ADAMTSL1: variants seen among roughly 807,000 people sequenced by gnomAD.
ADAMTSL1 encodes ADAMTS-like protein 1.
In ADAMTSL1, 126 loss-of-function variants were observed where a neutral mutation model predicts 201.8. The observed-to-expected ratio is 0.62, with a 90% CI of 0.54 to 0.72. The LOEUF (loss-of-function observed/expected upper bound fraction) is 0.72. Among genes scored for constraint, ADAMTSL1 ranks in the 30% least tolerant of loss-of-function variants. ADAMTSL1 has a pLI of 0.00. For missense variants in ADAMTSL1, 2,679 were observed against 2,277.8 expected, an observed-to-expected ratio of 1.18 and a Z score of -3.59; for synonymous variants, 1,121 against 903.4, an observed-to-expected ratio of 1.24 and a Z score of -4.32.
chr9:18,647,905 G>A (rs4344171), intron 7 of ADAMTSL1, among the ~76,000 whole-genome samples: 7 of 149,836 alleles, frequency 4.7e-5, no homozygotes, highest in African/African-American at 9.8e-5. Flanking sequence ...TATTAGGTCC[G>A]CTTGGTGCAG....
intron 2 of ADAMTSL1, among the ~76,000 whole-genome samples, chr9:18,294,854 G>A (rs1033261614): frequency 1.3e-5 from 2 of 152,180 alleles, no homozygotes; most frequent in African/African-American, 4.8e-5. Context: ...TAGGTCATAA[G>A]AGTCAGAGGA....
chr9:18,255,578 A>G (rs781570229), intron 2 of ADAMTSL1, among the ~76,000 whole-genome samples: 55 of 152,326 alleles, frequency 3.6e-4, no homozygotes, highest in Non-Finnish European at 6.5e-4. Flanking sequence ...GGCCTTTTAC[A>G]TTACAGGATA....
At chr9:18,282,636 G>A (rs896201320) in intron 2 of ADAMTSL1, among the ~76,000 whole-genome samples, 1 of 152,190 alleles carries the variant, frequency 6.6e-6, no homozygotes, top group Non-Finnish European at 1.5e-5. Flanking sequence ...AGTGGCTCAC[G>A]CCTGTAATCC....
chr9:18,828,311 A>G (rs1824724788), intron 22 of ADAMTSL1, among the ~76,000 whole-genome samples: 1 of 152,124 alleles, frequency 6.6e-6, no homozygotes, highest in African/African-American at 2.4e-5. Flanking sequence ...GGAGGGGCCA[A>G]CAATTGGCCC....
chr9:18,641,819 T>A (rs910663620), intron 7 of ADAMTSL1, among the ~76,000 whole-genome samples: 1 of 151,980 alleles, frequency 6.6e-6, no homozygotes, highest in Non-Finnish European at 1.5e-5. Context: ...TTTCATGACT[T>A]AGCTTTTATA....
intron 2 of ADAMTSL1, among the ~76,000 whole-genome samples, chr9:18,343,067 T>C (rs1235687852): frequency 6.6e-6 from 1 of 151,664 alleles, no homozygotes; most frequent in African/African-American, 2.4e-5. Context: ...AACTCACACC[T>C]GCAGTCTCAG....
Position 18,819,412 on chromosome 9 carries a change from A to C in ADAMTSL1, c.3934+2175A>C, listed in dbSNP as rs911654617. The stretch of plus-strand genomic sequence containing the variant: ...CAGAGATTGCAGTGAGCCGAGATCG[A>C]ACCACTGCACTCCAGCCTGGGCAAT... On this transcript the variant is annotated intron_variant, in intron 21 of 28. Coordinates refer to ENST00000380548, the MANE Select transcript of ADAMTSL1 (RefSeq NM_001040272.6). 2.2e-4 allele frequency among the ~76,000 whole-genome samples: 34 copies of C among 151,204 alleles called. 1 individual carries two copies. Among genetic ancestry groups the C allele is most frequent in the Non-Finnish European group, 5.9e-5 (4 of 67,828 alleles).
In ADAMTSL1 at chr9:18,662,074, G is replaced by A. The variant is rs1351386215; in HGVS notation, c.1085+1G>A. ...GCAACTTGGATCCTTGTCCAGCCAG[G>A]TCAGTCAAATTTGCTAGTTCATTTG... On this transcript the variant is annotated splice_donor_variant, in intron 9 of 28. Transcript: ENST00000380548. LOFTEE classifies it high-confidence loss of function. The A allele has an allele frequency of 1.2e-6, 2 of 1,611,482 alleles. No individual in the cohort carries two copies. Among genetic ancestry groups the A allele is most frequent in the Non-Finnish European group, 8.5e-7 (1 of 1,179,272 alleles).
intron 2 of ADAMTSL1, among the ~76,000 whole-genome samples, chr9:18,319,172 G>A (rs1834524964): frequency 6.6e-6 from 1 of 152,120 alleles, no homozygotes; most frequent in Non-Finnish European, 1.5e-5. Context: ...GAAGGTGCCA[G>A]CCTGGGCAAT....
intron 4 of ADAMTSL1, among the ~76,000 whole-genome samples, chr9:18,588,878 C>CATATATATATAT (rs1314106191): frequency 9.7e-6 from 1 of 103,606 alleles, no homozygotes; most frequent in African/African-American, 3.6e-5. Context: ...CATATATATA[C>CATATATATATAT]ATATACATAT....
Position 18,301,801 on chromosome 9 carries a change from G to A in ADAMTSL1, c.207+137820G>A, listed in dbSNP as rs1008369580. Among the ~76,000 whole-genome samples, 3 of 152,244 alleles carry A rather than the reference G, an allele frequency of 2.0e-5. No homozygotes were observed. The South Asian group carries it at 6.2e-4, about 32-fold the overall frequency. On this transcript the variant is annotated intron_variant, in intron 2 of 29. Transcript: ENST00000680146. ...TATGGGGCAAGGTAGTGACAATGAC[G>A]GAAAGCTATGTGCCAGAGTCTGTTG...
At chr9:18,823,792 C>T (rs140619836) in intron 21 of ADAMTSL1, among the ~76,000 whole-genome samples, 2,861 of 152,272 alleles carry the variant, frequency 0.019, 84 homozygotes, top group African/African-American at 0.066. Flanking sequence ...AGTTCAACGC[C>T]AGCCTGGCCA....
At chr9:18,027,808 G>A (rs1163994334) in intron 1 of ADAMTSL1, among the ~76,000 whole-genome samples, 1 of 151,996 alleles carries the variant, frequency 6.6e-6, no homozygotes, top group African/African-American at 2.4e-5. Context: ...AATGCTGTCA[G>A]GTGGCTACTG....
chr9:18,361,592 G>A (rs1836521675), intron 2 of ADAMTSL1, among the ~76,000 whole-genome samples: 1 of 152,102 alleles, frequency 6.6e-6, no homozygotes, highest in Admixed American at 6.6e-5. Context: ...AGAGTTGTTT[G>A]TGTTACACTC....
At chr9:18,237,524 G>A (rs1830894562) in intron 2 of ADAMTSL1, among the ~76,000 whole-genome samples, 1 of 152,166 alleles carries the variant, frequency 6.6e-6, no homozygotes, top group Admixed American at 6.5e-5. Context: ...AGCACTTAGA[G>A]GATTTCAGAG....
At chr9:18,319,685 T>C (rs1563884266) in intron 2 of ADAMTSL1, among the ~76,000 whole-genome samples, 1 of 152,164 alleles carries the variant, frequency 6.6e-6, no homozygotes, top group South Asian at 2.1e-4. Flanking sequence ...TCCATATCTA[T>C]AGATTTCACA....
intron 2 of ADAMTSL1, among the ~76,000 whole-genome samples, chr9:18,199,213 A>T (rs1829325306): frequency 6.6e-6 from 1 of 152,110 alleles, no homozygotes; most frequent in Admixed American, 6.6e-5. Flanking sequence ...TACATATGTA[A>T]CTAACCTGCA....
intron 14 of ADAMTSL1, among the ~76,000 whole-genome samples, chr9:18,711,865 G>C (rs1832629212): frequency 6.6e-6 from 1 of 151,896 alleles, no homozygotes; most frequent in Non-Finnish European, 1.5e-5. Context: ...GCTTTGAAGA[G>C]AGCAGTGGTT....
chr9:18,234,584 C>T (rs1448744971), intron 2 of ADAMTSL1, among the ~76,000 whole-genome samples: 1 of 152,120 alleles, frequency 6.6e-6, no homozygotes, highest in African/African-American at 2.4e-5. Flanking sequence ...ACCTGAATCC[C>T]AGTTTGCCTG....
Sources: gnomAD v4.1 joint callset for allele counts (sites outside exome capture counted in the v4.1 genomes callset) on GRCh38, gnomAD v4.1.1 for gene constraint, MANE v1.5 for transcripts, NCBI Gene and HGNC (gene_info 2026-07-23, HGNC 2026-07-21) for gene names.